Variants in XKR4 observed in about 807,000 individuals in gnomAD.
XKR4 encodes XK related 4, also known as XK-related protein 4.
In XKR4, 12 loss-of-function variants were observed where a neutral mutation model predicts 53.9. The ratio of observed to expected loss-of-function variants is 0.22; its 90% CI spans 0.14 to 0.36. The LOEUF is 0.36. Among genes scored for constraint, XKR4 ranks in the 10% least tolerant of loss-of-function variants. The probability of loss-of-function intolerance (pLI) is 1.00; values close to 1 mark genes in which losing one functional copy is unlikely to be tolerated. For missense variants in XKR4, 799 were observed against 859.5 expected (o/e 0.93, Z 0.88); for synonymous variants, 354 against 362.4 (o/e 0.98, Z 0.26).
chr8:55,316,714 C>T (rs988390692), intron 1 of XKR4, among the ~76,000 whole-genome samples: 53 of 152,118 alleles, frequency 3.5e-4, no homozygotes, highest in South Asian at 4.1e-4. Flanking sequence ...ACCCAGTTTC[C>T]CCTTTACCTG....
chr8:55,388,464 C>G (rs1187926177), intron 2 of XKR4, among the ~76,000 whole-genome samples: 1 of 139,720 alleles, frequency 7.2e-6, no homozygotes, highest in Non-Finnish European at 1.5e-5. Flanking sequence ...TTTCACAGTT[C>G]CAGAGGCTGG....
intron 1 of XKR4, among the ~76,000 whole-genome samples, chr8:55,166,431 G>A (rs1817067479): frequency 6.6e-6 from 1 of 152,196 alleles, no homozygotes; most frequent in Non-Finnish European, 1.5e-5. Flanking sequence ...TATGTGTTAA[G>A]CACCTACTAT....
intron 1 of XKR4, among the ~76,000 whole-genome samples, chr8:55,310,899 T>A (rs986790225): frequency 7.2e-5 from 11 of 152,206 alleles, no homozygotes; most frequent in Admixed American, 7.2e-4. Flanking sequence ...GAGGGTGTTA[T>A]AGGGTCAATC....
At chr8:55,200,806 C>G (rs1817569364) in intron 1 of XKR4, among the ~76,000 whole-genome samples, 1 of 152,134 alleles carries the variant, frequency 6.6e-6, no homozygotes, top group African/African-American at 2.4e-5. Context: ...CCAGCAGAAA[C>G]AGTAATGTTT....
At chr8:55,407,237 T>C (rs1388029597) in intron 2 of XKR4, among the ~76,000 whole-genome samples, 1 of 120,700 alleles carries the variant, frequency 8.3e-6, no homozygotes, top group Non-Finnish European at 1.6e-5. Context: ...CAGCCTCGCA[T>C]AGAGAGGACT....
chr8:55,391,378 T>C (rs966790472), intron 2 of XKR4, among the ~76,000 whole-genome samples: 1 of 152,188 alleles, frequency 6.6e-6, no homozygotes, highest in Non-Finnish European at 1.5e-5. Context: ...ACTAAGGAAC[T>C]AGTTGAATAA....
chr8:55,269,066 C>T (rs1401106013), intron 1 of XKR4, among the ~76,000 whole-genome samples: 1 of 152,170 alleles, frequency 6.6e-6, no homozygotes, highest in South Asian at 2.1e-4. Context: ...GGGGCTACAG[C>T]TTCTACTGTG....
At chr8:55,450,327 G>A in intron 2 of XKR4, 1 of 725,654 alleles carries the variant, frequency 1.4e-6, no homozygotes, top group Non-Finnish European at 2.3e-6. Flanking sequence ...CAGCGCAGAA[G>A]TCCTACACTT....
At chr8:55,296,686 A>C (rs1221779510) in intron 1 of XKR4, among the ~76,000 whole-genome samples, 2 of 152,092 alleles carry the variant, frequency 1.3e-5, no homozygotes, top group Non-Finnish European at 2.9e-5. Flanking sequence ...AGATTAGAAG[A>C]AGGAAGTAAC....
chr8:55,442,596 G>C (rs1805287422), intron 2 of XKR4, among the ~76,000 whole-genome samples: 1 of 152,188 alleles, frequency 6.6e-6, no homozygotes, highest in Non-Finnish European at 1.5e-5. Flanking sequence ...ATTGATGAGT[G>C]AATGAATCAA....
chr8:55,468,039 T>C (rs1805809120), intron 2 of XKR4, among the ~76,000 whole-genome samples: 1 of 152,158 alleles, frequency 6.6e-6, no homozygotes, highest in East Asian at 1.9e-4. Context: ...TTTTGCACTG[T>C]TTATTTCTAA....
chr8:55,367,455 C>A (rs1293339545), intron 2 of XKR4, among the ~76,000 whole-genome samples: 5 of 152,172 alleles, frequency 3.3e-5, no homozygotes, highest in Non-Finnish European at 5.9e-5. Context: ...GTCTTTAATA[C>A]ATGTGCACAC....
chr8:55,343,641 T>C (rs1803589741), intron 1 of XKR4, among the ~76,000 whole-genome samples: 1 of 152,182 alleles, frequency 6.6e-6, no homozygotes. Context: ...CCCTGCAGAC[T>C]GGGCTCATGC....
chr8:55,123,923 C>G (rs940590215), intron 1 of XKR4, among the ~76,000 whole-genome samples: 5 of 152,152 alleles, frequency 3.3e-5, no homozygotes, highest in African/African-American at 1.2e-4. Flanking sequence ...AAATCAATGG[C>G]AAGAGTAATC....
At chr8:55,338,425 G>A (rs1585527942) in intron 1 of XKR4, among the ~76,000 whole-genome samples, 1 of 152,270 alleles carries the variant, frequency 6.6e-6, no homozygotes, top group East Asian at 1.9e-4. Flanking sequence ...GCTAGCCCAG[G>A]GTGCAATGGC....
intron 1 of XKR4, among the ~76,000 whole-genome samples, chr8:55,176,680 G>T (rs554220386): frequency 6.6e-6 from 1 of 152,224 alleles, no homozygotes; most frequent in South Asian, 2.1e-4. Flanking sequence ...TGAGAATCAT[G>T]TGTTTCTTGT....
intron 1 of XKR4, among the ~76,000 whole-genome samples, chr8:55,348,634 G>C (rs1803683751): frequency 7.0e-6 from 1 of 142,272 alleles, no homozygotes; most frequent in Non-Finnish European, 1.5e-5. Flanking sequence ...TGGATAGACT[G>C]GATGAATAGA....
At chr8:55,446,372 C>T (rs866613045) in intron 2 of XKR4, among the ~76,000 whole-genome samples, 11 of 152,030 alleles carry the variant, frequency 7.2e-5, no homozygotes, top group African/African-American at 2.2e-4. Context: ...CACAGAATCT[C>T]ACTTTGTAGC....
intron 1 of XKR4, among the ~76,000 whole-genome samples, chr8:55,349,840 A>G (rs1364727080): frequency 6.6e-6 from 1 of 152,234 alleles, no homozygotes; most frequent in Non-Finnish European, 1.5e-5. Context: ...ATTTTACAAT[A>G]TATATCAAAA....
Sources: gnomAD v4.1 joint callset for allele counts (sites outside exome capture counted in the v4.1 genomes callset) on GRCh38, gnomAD v4.1.1 for gene constraint, MANE v1.5 for transcripts, NCBI Gene and HGNC (gene_info 2026-07-23, HGNC 2026-07-21) for gene names.